Variants in STK10 observed in about 807,000 individuals in gnomAD.
STK10 encodes serine/threonine-protein kinase 10.
A neutral mutation model predicts 113.8 loss-of-function variants in STK10; 78 were observed. The ratio of observed to expected loss-of-function variants is 0.69; its 90% CI spans 0.57 to 0.83. STK10 has a LOEUF of 0.83. Ranked by LOEUF, STK10 falls within the 40% of genes least tolerant of loss-of-function variation. STK10 has a pLI of 0.00. For synonymous variants in STK10, 465 were observed against 494.7 expected, an observed-to-expected ratio of 0.94 and a Z score of 0.80; for missense variants, 1,109 against 1,280.1, an observed-to-expected ratio of 0.87 and a Z score of 2.04.
At chr5:172,157,589 A>C (rs2113818971) in intron 1 of STK10, among the ~76,000 whole-genome samples, 1 of 152,114 alleles carries the variant, frequency 6.6e-6, no homozygotes, top group East Asian at 1.9e-4. Flanking sequence ...TCTGTTTAAA[A>C]ATTTTTTTTG....
intron 2 of STK10, among the ~76,000 whole-genome samples, chr5:172,134,075 T>G (rs982835341): frequency 1.3e-5 from 2 of 152,184 alleles, no homozygotes; most frequent in African/African-American, 4.8e-5. Context: ...GGTCACACTT[T>G]GAGAACTACT....
chr5:172,143,238 TG>T (rs1314591732), intron 2 of STK10, among the ~76,000 whole-genome samples: 6 of 152,118 alleles, frequency 3.9e-5, no homozygotes, highest in Non-Finnish European at 8.8e-5. Context: ...TGGTGGCACA[TG>T]TCTATAATCC....
chr5:172,175,240 C>T (rs1330979135), intron 1 of STK10, among the ~76,000 whole-genome samples: 1 of 152,140 alleles, frequency 6.6e-6, no homozygotes, highest in Non-Finnish European at 1.5e-5. Flanking sequence ...TGGTCGTGAA[C>T]TCCTAGCCAC....
chr5:172,066,334 T>TC (rs1171280441), intron 12 of STK10, among the ~76,000 whole-genome samples: 1 of 151,830 alleles, frequency 6.6e-6, no homozygotes, highest in Non-Finnish European at 1.5e-5. Flanking sequence ...ATTTTTTTTT[T>TC]CACCCTTTTG....
intron 1 of STK10, among the ~76,000 whole-genome samples, chr5:172,168,641 G>GA (rs1770611657): frequency 6.6e-6 from 1 of 152,178 alleles, no homozygotes; most frequent in Non-Finnish European, 1.5e-5. Flanking sequence ...ACAGGCCCAT[G>GA]AAGTACACAG....
At chr5:172,102,613 G>A (rs548022657) in intron 7 of STK10, among the ~76,000 whole-genome samples, 1 of 152,268 alleles carries the variant, frequency 6.6e-6, no homozygotes, top group Admixed American at 6.5e-5. Context: ...GTGGAGGCCT[G>A]GAGGTCGAGT....
At chr5:172,177,807 G>T (rs1373582021) in intron 1 of STK10, among the ~76,000 whole-genome samples, 2 of 152,104 alleles carry the variant, frequency 1.3e-5, no homozygotes, top group African/African-American at 2.4e-5. Context: ...AGAGACAGAA[G>T]GGACCAACTT....
intron 15 of STK10, 22 bp from the exon 16 acceptor site, chr5:172,055,798 G>A (rs772966835): frequency 1.0e-5 from 15 of 1,442,586 alleles, no homozygotes; most frequent in Non-Finnish European, 1.4e-5. Flanking sequence ...TATCCAGAGG[G>A]GCTGAGGGCA....
In STK10 at chr5:172,082,010, G is replaced by T. The variant is rs763593192; in HGVS notation, c.1989+316C>A. Among the ~76,000 whole-genome samples the T allele has an allele frequency of 6.6e-6, 1 of 152,064 alleles. No homozygotes were observed. The highest frequency in any genetic ancestry group is 1.5e-5 in the Non-Finnish European group (1 of 68,020). Reference sequence around the variant, plus strand: ...TGGGAACAGCATCTCAAATTCCCCCGGACCACCAGCCCTTCCTTCTTCCCC... The same window carrying T: ...TGGGAACAGCATCTCAAATTCCCCCTGACCACCAGCCCTTCCTTCTTCCCC... On this transcript the variant is annotated intron_variant, in intron 12 of 18. Transcript: ENST00000176763. The surrounding 1 kb of genome is among the most constrained non-coding windows in gnomAD (Gnocchi z 4.3).
chr5:172,114,053 A>G (rs1456794188), intron 4 of STK10, among the ~76,000 whole-genome samples: 2 of 152,196 alleles, frequency 1.3e-5, no homozygotes, highest in African/African-American at 4.8e-5. Context: ...GGCAGGGAAA[A>G]TTATGACTCC....
At chr5:172,098,148 G>A (rs527716800) in intron 7 of STK10, among the ~76,000 whole-genome samples, 13 of 152,254 alleles carry the variant, frequency 8.5e-5, no homozygotes, top group African/African-American at 3.1e-4. Context: ...GTATTTAAAC[G>A]ACTAAAAAAC....
Position 172,157,683 on chromosome 5 carries a change from T to C in STK10, c.157-895A>G, listed in dbSNP as rs747498122. On this transcript the variant is annotated intron_variant, in intron 1 of 18. Transcript: ENST00000176763. ...ACTGTTTACTGCAGCCTCCGCCTTC[T>C]AGGTTCAAGCTAATTCTCCTGCCTC... Among the ~76,000 whole-genome samples the C allele has an allele frequency of 2.0e-5, 3 of 152,242 alleles. No individual in the cohort carries two copies. In the South Asian group the frequency reaches 6.2e-4, roughly 32 times the overall value.
chr5:172,065,222 C>G (rs571630021), intron 12 of STK10, among the ~76,000 whole-genome samples: 1 of 152,158 alleles, frequency 6.6e-6, no homozygotes, highest in East Asian at 1.9e-4. Context: ...TATCGTCAAT[C>G]TGACAAACCA....
chr5:172,163,013 A>G (rs1025567604), intron 1 of STK10, among the ~76,000 whole-genome samples: 1 of 152,180 alleles, frequency 6.6e-6, no homozygotes, highest in African/African-American at 2.4e-5. Context: ...TGCCAGACAG[A>G]GGTTAGTAGG....
chr5:172,094,773 A>G (rs890745233), intron 8 of STK10, among the ~76,000 whole-genome samples: 6 of 152,204 alleles, frequency 3.9e-5, no homozygotes, highest in Non-Finnish European at 8.8e-5. Flanking sequence ...CATATTTTTT[A>G]AAAAATCATA....
chr5:172,162,945 C>T (rs981991125), intron 1 of STK10, among the ~76,000 whole-genome samples: 1 of 152,228 alleles, frequency 6.6e-6, no homozygotes, highest in African/African-American at 2.4e-5. Context: ...GTACCAGTGT[C>T]AACACAAGGC....
intron 1 of STK10, among the ~76,000 whole-genome samples, chr5:172,182,165 T>C (rs1460541686): frequency 6.6e-6 from 1 of 151,622 alleles, no homozygotes; most frequent in African/African-American, 2.4e-5. Context: ...TAGCCGGGTG[T>C]GGCGGTGCGC....
In STK10 at chr5:172,100,791, A is replaced by C. The variant is rs1768973370; in HGVS notation, c.871-4231T>G. Reference sequence around the variant, plus strand: ...AACACGACGAGACTCCATTTCAAAAAAAATAAAAATAAGAATAAAAACACC... The same window carrying C: ...AACACGACGAGACTCCATTTCAAAACAAATAAAAATAAGAATAAAAACACC... On this transcript the variant is annotated intron_variant, in intron 7 of 18. Coordinates refer to ENST00000176763, the MANE Select transcript of STK10 (RefSeq NM_005990.4). Among the ~76,000 whole-genome samples, 3 of 152,202 alleles carry C rather than the reference A, an allele frequency of 2.0e-5. No homozygotes were observed. In the South Asian group the frequency reaches 6.2e-4, roughly 32 times the overall value.
chr5:172,098,518 C>A lies in STK10; in HGVS notation c.871-1958G>T, dbSNP rs1768907167. Among the ~76,000 whole-genome samples the A allele has an allele frequency of 3.9e-5, 6 of 152,210 alleles. No homozygotes were observed. The South Asian group carries it at 8.3e-4, about 21-fold the overall frequency. On this transcript the variant is annotated intron_variant, in intron 7 of 18. Coordinates refer to ENST00000176763, the MANE Select transcript of STK10 (RefSeq NM_005990.4). Reference sequence around the variant, plus strand: ...CACAGGATGCAGAGGAAGGATGGGCCGTGTGTGCAGGTGAGCCACAGAGAC... The same window carrying A: ...CACAGGATGCAGAGGAAGGATGGGCAGTGTGTGCAGGTGAGCCACAGAGAC...
Sources: gnomAD v4.1 joint callset for allele counts (sites outside exome capture counted in the v4.1 genomes callset) on GRCh38, gnomAD v4.1.1 for gene constraint, Gnocchi (gnomAD v3.1) non-coding constraint, MANE v1.5 for transcripts, NCBI Gene and HGNC (gene_info 2026-07-23, HGNC 2026-07-21) for gene names.